The following CCDC18 variants were observed in gnomAD, a reference collection of about 807,000 sequenced individuals.
CCDC18 encodes the protein coiled-coil domain containing 18.
In CCDC18, 157 loss-of-function variants were observed where a neutral mutation model predicts 196.0. That is an observed-to-expected ratio of 0.80 (90% CI 0.70 to 0.91). CCDC18 has a LOEUF of 0.91. Ranked by LOEUF, CCDC18 falls within the 40% of genes least tolerant of loss-of-function variation. The probability of loss-of-function intolerance (pLI) is 0.00; values close to 1 mark genes in which losing one functional copy is unlikely to be tolerated. For missense variants in CCDC18, 1,465 were observed against 1,611.6 expected (o/e 0.91, Z 1.56); for synonymous variants, 482 against 529.2 (o/e 0.91, Z 1.22).
Position 93,270,719 on chromosome 1 carries a change from G to T in CCDC18, c.4258G>T (p.Asp1420Tyr). 1 of 1,550,212 alleles carries T rather than the reference G, an allele frequency of 6.5e-7. No homozygotes were observed. Among genetic ancestry groups the T allele is most frequent in the South Asian group, 1.2e-5 (1 of 84,010 alleles). Residue 1420 changes from aspartate to tyrosine, a missense_variant, in exon 28 of 29, where the codon GAC becomes TAC. Asp to Tyr is a radical substitution (Grantham distance 160). Transcript: ENST00000690025. The stretch of plus-strand genomic sequence containing the variant: ...AGAAGCTGATAGTTCTGAGAATAAT[G>T]ACTTTAACACGCTTAGTGGGATGCT... Reference protein sequence around the residue: ...NLEADSSENNDFNTLSGMLRY... With the variant: ...NLEADSSENNYFNTLSGMLRY...
chr1:93,249,170 G>A (rs1661908993), intron 23 of CCDC18, among the ~76,000 whole-genome samples: 1 of 151,928 alleles, frequency 6.6e-6, no homozygotes, highest in Admixed American at 6.6e-5. Context: ...CAAGTTTTCT[G>A]TTTCTTCATG....
At position 93,270,687 on chromosome 1, in the gene CCDC18, A is replaced by G. The variant is rs1557719916; in HGVS notation, c.4226A>G (p.Tyr1409Cys). The stretch of plus-strand genomic sequence containing the variant: ...CCAGACTCATTTAAACCTCTCACAT[A>G]TAACCTAGAAGCTGATAGTTCTGAG... ...TQPDSFKPLT[Y>C]NLEADSSENN... Residue 1409 changes from tyrosine (Y) to cysteine (C), a missense_variant, in exon 28 of 29, where the codon TAT (tyrosine) becomes TGT (cysteine). Coordinates refer to ENST00000690025, the MANE Select transcript of CCDC18 (RefSeq NM_001378204.1). The G allele has an allele frequency of 6.5e-7, 1 of 1,550,372 alleles. No homozygotes were observed. The highest frequency in any genetic ancestry group is 8.7e-7 in the Non-Finnish European group (1 of 1,146,880).
intron 27 of CCDC18, among the ~76,000 whole-genome samples, chr1:93,268,051 C>T (rs1410611021): frequency 6.6e-6 from 1 of 152,176 alleles, no homozygotes; most frequent in African/African-American, 2.4e-5. Flanking sequence ...GTAACCAAAA[C>T]AGCATGGTAC....
At chr1:93,235,241 C>T (rs1659919921) in intron 18 of CCDC18, among the ~76,000 whole-genome samples, 1 of 151,980 alleles carries the variant, frequency 6.6e-6, no homozygotes, top group Non-Finnish European at 1.5e-5. Context: ...TATAAATATT[C>T]ATGAAGACAT....
intron 19 of CCDC18, among the ~76,000 whole-genome samples, chr1:93,237,874 T>C (rs1016470223): frequency 7.9e-5 from 12 of 152,220 alleles, no homozygotes; most frequent in African/African-American, 2.9e-4. Context: ...CTTACTCCCA[T>C]GGAATTTATC....
chr1:93,246,860 T>G lies in CCDC18; in HGVS notation c.3104T>G (p.Ile1035Ser), dbSNP rs751569668. ...AAQVTHLDMT[I>S]REHRGEMEQK... ...TAGGTTACACATTTGGATATGACTA[T>G]TCGTGAGCACAGAGGAGAAATGGAA... The change falls in exon 23 of 29, where the codon ATT becomes AGT. Residue 1035 changes from isoleucine (I) to serine (S), a missense_variant. Physicochemically the swap from Ile to Ser is moderately radical, Grantham distance 142. Transcript: ENST00000690025. 1 of 1,531,150 alleles carries G rather than the reference T, an allele frequency of 6.5e-7. No homozygotes were observed. The highest frequency in any genetic ancestry group is 1.2e-5 in the South Asian group (1 of 86,018). The allele number at this position is 1,531,150 out of a possible 1,614,324, so 94.8% of individuals were successfully genotyped here. A position where few individuals can be genotyped will look rare whatever the true frequency, so the allele number is the denominator to read the frequency against.
rs2101091971 is a variant in CCDC18, at chr1:93,256,392, G to C, written c.3400G>C (p.Gly1134Arg). The C allele has an allele frequency of 1.9e-6, 3 of 1,613,990 alleles. No homozygotes were observed. The East Asian group carries it at 6.7e-5, about 36-fold the overall frequency. The change falls in exon 25 of 29, where the codon GGG becomes CGG. Residue 1134 changes from glycine to arginine, a missense_variant. Physicochemically the swap from Gly to Arg is moderately radical, Grantham distance 125. Transcript: ENST00000690025. Reference protein sequence around the residue: ...ATQYKEAIDLGQELRLTREQV... With the variant: ...ATQYKEAIDLRQELRLTREQV... ...TCAGTACAAGGAGGCCATAGATTTGGGGCAAGAATTGAGGCTGACCCGGGA... is the reference window on the plus strand; with the variant it reads ...TCAGTACAAGGAGGCCATAGATTTGCGGCAAGAATTGAGGCTGACCCGGGA...
At position 93,207,243 on chromosome 1, in the gene CCDC18, G is replaced by C; in HGVS notation, c.1054G>C (p.Glu352Gln). ...KLESELENKD[E>Q]ILRDKFSLMN... ...AGAGAGTGAGTTAGAGAACAAAGAC[G>C]AAATACTTAGAGACAAATTTTCTTT... is the stretch of plus-strand genomic sequence containing the variant. Residue 352 changes from glutamate (E) to glutamine (Q), a missense_variant, in exon 9 of 29, where the codon GAA (glutamate) becomes CAA (glutamine). By Grantham distance (29) the Glu-to-Gln change is conservative. Transcript: ENST00000690025. The C allele has an allele frequency of 6.2e-7, 1 of 1,613,548 alleles. No homozygotes were observed. The highest frequency in any genetic ancestry group is 8.5e-7 in the Non-Finnish European group (1 of 1,179,676).
At chr1:93,243,461 A>G (rs1008394095) in intron 21 of CCDC18, among the ~76,000 whole-genome samples, 1 of 152,198 alleles carries the variant, frequency 6.6e-6, no homozygotes, top group African/African-American at 2.4e-5. Context: ...CTAGGCCTCC[A>G]GGCCTGTGAT....
intron 13 of CCDC18, among the ~76,000 whole-genome samples, 189 bp downstream of exon 13, chr1:93,216,935 C>CTCTTTTTTTT (rs781629982): frequency 2.3e-5 from 3 of 132,754 alleles, no homozygotes; most frequent in African/African-American, 5.9e-5. Flanking sequence ...CAAGTTTTCT[C>CTCTTTTTTTT]TTTTTTTTTT....
At chr1:93,264,095 T>C (rs1456855277) in intron 26 of CCDC18, among the ~76,000 whole-genome samples, 2 of 126,190 alleles carry the variant, frequency 1.6e-5, no homozygotes, top group African/African-American at 8.4e-5. Context: ...AGTCATGTCT[T>C]ACATGGTGGT....
At chr1:93,215,638 T>C (rs1337524084) in intron 12 of CCDC18, among the ~76,000 whole-genome samples, 1 of 152,038 alleles carries the variant, frequency 6.6e-6, no homozygotes, top group Non-Finnish European at 1.5e-5. Context: ...TTTTATTTTT[T>C]ATTTGTAGAG....
chr1:93,210,998 C>A, intron 10 of CCDC18, 72 bp downstream of exon 10: 1 of 1,499,972 alleles, frequency 6.7e-7, no homozygotes, highest in African/African-American at 1.4e-5. Flanking sequence ...CTTAATTGGC[C>A]GGGCATGGTG....
intron 11 of CCDC18, among the ~76,000 whole-genome samples, chr1:93,212,798 G>T (rs1032646094): frequency 6.6e-6 from 1 of 152,078 alleles, no homozygotes; most frequent in Non-Finnish European, 1.5e-5. Flanking sequence ...ACAGGGTCAG[G>T]GTTGGTTTCA....
chr1:93,187,123 A>G (rs1466851492), intron 4 of CCDC18, among the ~76,000 whole-genome samples: 1 of 152,036 alleles, frequency 6.6e-6, no homozygotes, highest in African/African-American at 2.4e-5. Context: ...TACACAAAAA[A>G]TTAGAAGAAA....
intron 12 of CCDC18, among the ~76,000 whole-genome samples, chr1:93,215,393 G>T (rs1481236311): frequency 6.6e-6 from 1 of 151,356 alleles, no homozygotes; most frequent in African/African-American, 2.4e-5. Context: ...TCTGGGTCCT[G>T]TTCCAGCAAT....
At chr1:93,226,256 A>C (rs1397583928) in intron 16 of CCDC18, 77 bp from the exon 17 acceptor site, 1 of 673,576 alleles carries the variant, frequency 1.5e-6, no homozygotes, top group Non-Finnish European at 2.7e-6. Flanking sequence ...GTCAGGTAAC[A>C]TTAGGAGATA....
At chr1:93,216,274 A>G (rs1361458689) in intron 12 of CCDC18, among the ~76,000 whole-genome samples, 1 of 152,256 alleles carries the variant, frequency 6.6e-6, no homozygotes, top group Non-Finnish European at 1.5e-5. Flanking sequence ...ATAACTGCTG[A>G]TAACATTTTA....
chr1:93,254,683 TA>T, intron 24 of CCDC18, 69 bp downstream of exon 24: 2 of 1,441,452 alleles, frequency 1.4e-6, no homozygotes, highest in South Asian at 2.5e-5. Flanking sequence ...CTTTATGTTT[TA>T]AACTGGTTGG....
Sources: allele counts gnomAD v4.1 joint callset (sites outside exome capture counted in the v4.1 genomes callset), GRCh38; gene constraint gnomAD v4.1.1; transcripts MANE v1.5; gene names NCBI Gene and HGNC (gene_info 2026-07-23, HGNC 2026-07-21).